The following KLHL3 variants were observed in gnomAD, a reference collection of about 807,000 sequenced individuals.
The protein encoded by KLHL3 is kelch-like protein 3.
Under a neutral mutation model 70.5 loss-of-function variants are expected in KLHL3, and 19 were observed. That is an observed-to-expected ratio of 0.27 (90% confidence interval 0.19 to 0.40). The LOEUF is 0.40. Ranked by LOEUF, KLHL3 falls within the 10% of genes least tolerant of loss-of-function variation. The pLI is 1.00. For missense variants in KLHL3, 512 were observed against 771.1 expected (o/e 0.66, Z 3.98); for synonymous variants, 258 against 290.3 (o/e 0.89, Z 1.13).
At chr5:137,714,589 A>C (rs2149932124) in intron 2 of KLHL3, among the ~76,000 whole-genome samples, 1 of 152,352 alleles carries the variant, frequency 6.6e-6, no homozygotes, top group East Asian at 1.9e-4. Context: ...ATAGAGACAT[A>C]AAGTAGACTA....
Position 137,735,774 on chromosome 5 carries a change from A to C in KLHL3, c.-128T>G. On this transcript the variant is annotated 5_prime_UTR_variant, in exon 1 of 15. Coordinates refer to ENST00000309755, the MANE Select transcript of KLHL3 (RefSeq NM_017415.3). ...AGCAACAGTGATTCAGCATGGCTGC[A>C]AGTGAAGCCTCCTCCCTTCTCAATC... 1 of 1,258,398 alleles carries C rather than the reference A, an allele frequency of 7.9e-7. No individual in the cohort carries two copies. Among genetic ancestry groups the C allele is most frequent in the Non-Finnish European group, 1.2e-6 (1 of 857,928 alleles). 78.0% of individuals were successfully genotyped at this position (1,258,398 alleles called of 1,614,324 possible).
chr5:137,641,687 T>C (rs567990801), intron 8 of KLHL3, among the ~76,000 whole-genome samples: 1 of 152,142 alleles, frequency 6.6e-6, no homozygotes, highest in Non-Finnish European at 1.5e-5. Flanking sequence ...ATCAACCATT[T>C]ATTCCCCAAT....
intron 5 of KLHL3, among the ~76,000 whole-genome samples, chr5:137,679,318 T>C (rs1751966676): frequency 6.6e-6 from 1 of 151,932 alleles, no homozygotes; most frequent in Non-Finnish European, 1.5e-5. Context: ...CACCACACCA[T>C]GAGCAAGCAC....
intron 2 of KLHL3, among the ~76,000 whole-genome samples, chr5:137,710,550 T>G (rs2149929781): frequency 6.6e-6 from 1 of 152,302 alleles, no homozygotes; most frequent in African/African-American, 2.4e-5. Flanking sequence ...ACCTAGCACA[T>G]AGTAGACCCT....
intron 12 of KLHL3, among the ~76,000 whole-genome samples, chr5:137,630,240 T>C (rs1750600575): frequency 6.6e-6 from 1 of 152,152 alleles, no homozygotes; most frequent in Non-Finnish European, 1.5e-5. Context: ...TTTGATTTCC[T>C]AAATCAAGGT....
Position 137,634,097 on chromosome 5 carries a change from T to C in KLHL3, c.1390A>G (p.Asn464Asp). 1 of 1,614,214 alleles carries C rather than the reference T, an allele frequency of 6.2e-7. No individual in the cohort carries two copies. Among genetic ancestry groups the C allele is most frequent in the Non-Finnish European group, 8.5e-7 (1 of 1,180,034 alleles). Residue 464 changes from asparagine to aspartate, a missense_variant, in exon 12 of 15, where the codon AAC becomes GAC. By Grantham distance (23) the Asn-to-Asp change is conservative. Coordinates refer to ENST00000309755, the MANE Select transcript of KLHL3 (RefSeq NM_017415.3). ...TATATCCATTCATTGGTCGCTGGGT[T>C]GTACTGCTCCACAGTGCTCAGACAC... ...RQCLSTVEQYNPATNEWIYVA... is the reference protein window; with the variant it reads ...RQCLSTVEQYDPATNEWIYVA...
At chr5:137,721,631 T>C (rs1752999132) in intron 1 of KLHL3, among the ~76,000 whole-genome samples, 1 of 152,184 alleles carries the variant, frequency 6.6e-6, no homozygotes, top group South Asian at 2.1e-4. Flanking sequence ...AACCATAATC[T>C]CAATGCCTTC....
intron 12 of KLHL3, among the ~76,000 whole-genome samples, chr5:137,631,447 G>T (rs1266787832): frequency 6.6e-6 from 1 of 152,182 alleles, no homozygotes; most frequent in East Asian, 1.9e-4. Context: ...AAGTGGGAGT[G>T]GGGGACATAA....
At chr5:137,690,448 T>G (rs1024725443) in intron 5 of KLHL3, among the ~76,000 whole-genome samples, 3 of 151,412 alleles carry the variant, frequency 2.0e-5, no homozygotes, top group African/African-American at 7.3e-5. Context: ...GCTCCCTAAG[T>G]GAAGGTGGAA....
At chr5:137,681,770 A>C (rs1407012433) in intron 5 of KLHL3, among the ~76,000 whole-genome samples, 1 of 152,164 alleles carries the variant, frequency 6.6e-6, no homozygotes, top group East Asian at 1.9e-4. Context: ...GACACAGAGA[A>C]AAATAAGTCA....
Position 137,677,549 on chromosome 5 carries a change from T to A in KLHL3, c.632A>T (p.Glu211Val). The A allele has an allele frequency of 1.3e-6, 2 of 1,592,342 alleles. No individual in the cohort carries two copies. Among genetic ancestry groups the A allele is most frequent in the Non-Finnish European group, 1.7e-6 (2 of 1,167,312 alleles). ...SSDKLTVSSE[E>V]KVFEAVISWI... ...CCCCAGTGAGCCATGTCATACCTTCTCTTCTGAAGAAACGGTCAGCTTGTC... is the reference window on the plus strand; with the variant it reads ...CCCCAGTGAGCCATGTCATACCTTCACTTCTGAAGAAACGGTCAGCTTGTC... The change falls in exon 6 of 15, where the codon GAG (glutamate) becomes GTG (valine). Residue 211 changes from glutamate (E) to valine (V), a missense_variant. By Grantham distance (121) the Glu-to-Val change is moderately radical. Coordinates refer to ENST00000309755, the MANE Select transcript of KLHL3 (RefSeq NM_017415.3).
At chr5:137,658,934 T>G (rs1279428146) in intron 7 of KLHL3, among the ~76,000 whole-genome samples, 1 of 152,198 alleles carries the variant, frequency 6.6e-6, no homozygotes, top group Non-Finnish European at 1.5e-5. Flanking sequence ...AAGCTGGGGC[T>G]CTGGCTTCTT....
Position 137,724,853 on chromosome 5 carries a change from A to G in KLHL3, c.15-4269T>C, listed in dbSNP as rs116370439. Among the ~76,000 whole-genome samples the G allele has an allele frequency of 5.4e-4, 82 of 152,314 alleles. 1 individual carries two copies. Among genetic ancestry groups the G allele is most frequent in the Non-Finnish European group, 8.5e-4 (58 of 68,026 alleles). ...CAGAGAAGTTCAAAAATTCTTCACA[A>G]GACTGTACAAATAATAAGTGGTAGA... On this transcript the variant is annotated intron_variant, in intron 1 of 14. Coordinates refer to ENST00000309755, the MANE Select transcript of KLHL3 (RefSeq NM_017415.3).
chr5:137,698,235 T>C lies in KLHL3; in HGVS notation c.363+52A>G, dbSNP rs187495097. 480 of 1,595,480 alleles carry C rather than the reference T, an allele frequency of 3.0e-4. 3 individuals are homozygous for C. In the African/African-American group the frequency reaches 6.0e-3, roughly 20 times the overall value. ...GGTTAAATAAAATAACGCTGTAAAATGGTGGGTCCTGAGTGTGCAATACAC... is the reference window on the plus strand; with the variant it reads ...GGTTAAATAAAATAACGCTGTAAAACGGTGGGTCCTGAGTGTGCAATACAC... On this transcript the variant is annotated intron_variant, in intron 4 of 14. Transcript: ENST00000309755.
At chr5:137,725,875 T>G (rs1199693527) in intron 1 of KLHL3, among the ~76,000 whole-genome samples, 18 of 152,288 alleles carry the variant, frequency 1.2e-4, no homozygotes, top group Middle Eastern at 3.4e-3. Flanking sequence ...CTGACTTATC[T>G]CACACTCACA....
chr5:137,708,155 G>T (rs536350829), intron 3 of KLHL3, among the ~76,000 whole-genome samples: 1 of 152,254 alleles, frequency 6.6e-6, no homozygotes, highest in South Asian at 2.1e-4. Flanking sequence ...TGAAATTCCT[G>T]GCCCAAGGCT....
chr5:137,708,291 T>G (rs1752723673), intron 3 of KLHL3, among the ~76,000 whole-genome samples: 1 of 152,170 alleles, frequency 6.6e-6, no homozygotes, highest in South Asian at 2.1e-4. Flanking sequence ...AAGTGCCAAG[T>G]CTCTCCCAAC....
chr5:137,688,760 C>T lies in KLHL3; in HGVS notation c.526+3525G>A, dbSNP rs545133883. 2.0e-5 allele frequency among the ~76,000 whole-genome samples: 3 copies of T among 152,330 alleles called. No homozygotes were observed. The South Asian group carries it at 6.2e-4, about 32-fold the overall frequency. On this transcript the variant is annotated intron_variant, in intron 5 of 14. Transcript: ENST00000309755. ...ACTTCACCTCTCTGTGCCCTGGTTT[C>T]CTCAGCTATCATATGCATTAAACGG...
intron 6 of KLHL3, among the ~76,000 whole-genome samples, chr5:137,662,739 A>G (rs1248802438): frequency 6.6e-6 from 1 of 152,160 alleles, no homozygotes; most frequent in East Asian, 1.9e-4. Context: ...TCAACGTTGG[A>G]GGGGCAATGG....
Sources: allele counts gnomAD v4.1 joint callset (sites outside exome capture counted in the v4.1 genomes callset), GRCh38; gene constraint gnomAD v4.1.1; transcripts MANE v1.5; gene names NCBI Gene and HGNC (gene_info 2026-07-23, HGNC 2026-07-21).